ANO4: variants seen among roughly 807,000 people sequenced by gnomAD.
ANO4 encodes anoctamin 4.
Under a neutral mutation model 141.9 loss-of-function variants are expected in ANO4, and 69 were observed. That is an observed-to-expected ratio of 0.49 (90% confidence interval 0.40 to 0.59). The LOEUF (loss-of-function observed/expected upper bound fraction) is 0.59, where lower values mean the gene tolerates loss of function less well. ANO4 is among the 20% of genes least tolerant of loss of function. The pLI, the probability that ANO4 is intolerant of heterozygous loss-of-function variation, is 0.00. For synonymous variants in ANO4, 350 were observed against 394.3 expected (o/e 0.89, Z 1.33); for missense variants, 894 against 1,162.2 (o/e 0.77, Z 3.36).
chr12:101,110,963 T>C (rs1384674229), intron 23 of ANO4, among the ~76,000 whole-genome samples: 1 of 152,222 alleles, frequency 6.6e-6, no homozygotes, highest in African/African-American at 2.4e-5. Context: ...TGAACTTTGG[T>C]CTTTGACTAG....
intron 8 of ANO4, among the ~76,000 whole-genome samples, chr12:100,991,730 G>A (rs1056139462): frequency 2.6e-5 from 4 of 152,054 alleles, no homozygotes; most frequent in Non-Finnish European, 4.4e-5. Context: ...CTCCTTGAAA[G>A]ACTATGCCTT....
chr12:101,055,218 T>A (rs2048063490), intron 14 of ANO4, among the ~76,000 whole-genome samples: 1 of 152,214 alleles, frequency 6.6e-6, no homozygotes, highest in South Asian at 2.1e-4. Flanking sequence ...CATTGCTGGA[T>A]CATGTGATAA....
chr12:101,116,834 G>A (rs376766921), intron 25 of ANO4, 36 bp downstream of exon 25: 2 of 1,613,274 alleles, frequency 1.2e-6, no homozygotes, highest in African/African-American at 1.3e-5. Context: ...TGCCTGAGCT[G>A]GGCTGGCTCC....
chr12:100,765,309 T>C (rs2033028508), intron 3 of ANO4, among the ~76,000 whole-genome samples: 1 of 152,102 alleles, frequency 6.6e-6, no homozygotes, highest in Admixed American at 6.6e-5. Flanking sequence ...TTTATAATTC[T>C]ATTTGAGTAT....
chr12:100,887,243 T>C (rs2039879879), intron 1 of ANO4, among the ~76,000 whole-genome samples: 2 of 152,310 alleles, frequency 1.3e-5, no homozygotes, highest in South Asian at 4.1e-4. Context: ...ATAATATTCC[T>C]AAGCCATTTA....
In ANO4 at chr12:101,043,642, T is replaced by A; in HGVS notation, c.1251+7T>A. 1 of 1,592,202 alleles carries A rather than the reference T, an allele frequency of 6.3e-7. No homozygotes were observed. The highest frequency in any genetic ancestry group is 8.6e-7 in the Non-Finnish European group (1 of 1,160,506). On this transcript the variant is annotated splice_region_variant and intron_variant, in intron 13 of 27. Coordinates refer to ENST00000392977, the MANE Select transcript of ANO4 (RefSeq NM_001286615.2). Reference sequence around the variant, plus strand: ...CAGCTGTGTATATGCCAAGGTAATTTCAAACTGTAGCATTTTAGATGAATT... The same window carrying A: ...CAGCTGTGTATATGCCAAGGTAATTACAAACTGTAGCATTTTAGATGAATT...
At chr12:101,030,837 G>T (rs1278261742) in intron 9 of ANO4, among the ~76,000 whole-genome samples, 1 of 152,168 alleles carries the variant, frequency 6.6e-6, no homozygotes, top group African/African-American at 2.4e-5. Context: ...AAATCTAGAA[G>T]AAATGGATAA....
At chr12:101,060,729 TG>T (rs781635100) in intron 14 of ANO4, among the ~76,000 whole-genome samples, 1 of 152,206 alleles carries the variant, frequency 6.6e-6, no homozygotes, top group Non-Finnish European at 1.5e-5. Flanking sequence ...TCCATTTGCT[TG>T]GTAAATATTC....
At chr12:100,971,626 A>G (rs2043938787) in intron 6 of ANO4, among the ~76,000 whole-genome samples, 1 of 152,178 alleles carries the variant, frequency 6.6e-6, no homozygotes, top group African/African-American at 2.4e-5. Context: ...GCAGGTAGAT[A>G]TTTCCAGTGC....
rs1177264501 is a variant in ANO4 at position 100,832,900 on chromosome 12, T to G, written c.-141+37873T>G. 3.3e-5 allele frequency among the ~76,000 whole-genome samples: 5 copies of G among 152,272 alleles called. No individual in the cohort carries two copies. In the East Asian group the frequency reaches 9.7e-4, roughly 29 times the overall value. On this transcript the variant is annotated intron_variant, in intron 1 of 27. Coordinates refer to ENST00000392977, the MANE Select transcript of ANO4 (RefSeq NM_001286615.2). ...AGCCACTTTCTCCACCTCTAATATA[T>G]TGTTTATTTTCTGCTAACACTTTAA...
chr12:101,046,669 C>T (rs2047644924), intron 13 of ANO4, among the ~76,000 whole-genome samples: 1 of 152,210 alleles, frequency 6.6e-6, no homozygotes, highest in South Asian at 2.1e-4. Context: ...CTGACTATCT[C>T]ATTGGGAACC....
intron 3 of ANO4, among the ~76,000 whole-genome samples, chr12:100,784,472 A>T (rs1056921952): frequency 1.3e-5 from 2 of 152,154 alleles, no homozygotes; most frequent in African/African-American, 2.4e-5. Context: ...TCTTCTAAGG[A>T]TATTCATTTT....
intron 1 of ANO4, among the ~76,000 whole-genome samples, chr12:100,876,203 G>A (rs575469503): frequency 2.7e-5 from 4 of 150,786 alleles, no homozygotes; most frequent in South Asian, 4.2e-4. Flanking sequence ...ACTTGTAAGT[G>A]TGGGGTTCTG....
chr12:100,815,063 C>T lies in ANO4; in HGVS notation c.-141+20036C>T, dbSNP rs564646676. On this transcript the variant is annotated intron_variant, in intron 1 of 27. Transcript: ENST00000392977. ...ATGCCTGGAGGGAATGGGGGAGAAACAGAGAGAGAGAGAGGGCATGAGCAA... is the reference window on the plus strand; with the variant it reads ...ATGCCTGGAGGGAATGGGGGAGAAATAGAGAGAGAGAGAGGGCATGAGCAA... 1.1e-4 allele frequency among the ~76,000 whole-genome samples: 16 copies of T among 150,940 alleles called. No individual in the cohort carries two copies. In the South Asian group the frequency reaches 3.2e-3, roughly 30 times the overall value.
chr12:100,721,622 T>C (rs931145822), intron 1 of ANO4, among the ~76,000 whole-genome samples: 2 of 152,162 alleles, frequency 1.3e-5, no homozygotes, highest in African/African-American at 4.8e-5. Context: ...CCTGGAATCC[T>C]GGAAGTCATT....
intron 10 of ANO4, among the ~76,000 whole-genome samples, chr12:101,039,583 A>G (rs1037893474): frequency 3.3e-5 from 5 of 152,246 alleles, no homozygotes; most frequent in African/African-American, 1.2e-4. Flanking sequence ...TGGGCCAGAC[A>G]CTTTATTCAT....
At chr12:100,920,338 C>T (rs1207097400) in intron 2 of ANO4, among the ~76,000 whole-genome samples, 4 of 152,076 alleles carry the variant, frequency 2.6e-5, no homozygotes, top group East Asian at 1.9e-4. Context: ...TCCATTGCAT[C>T]GCACCTTCTT....
chr12:101,111,499 A>AT lies in ANO4; in HGVS notation c.2303-58dup, dbSNP rs1039831495. On this transcript the variant is annotated intron_variant, in intron 23 of 27. Transcript: ENST00000392977. ...AAAAGGACTTTTAAAAATTAATTCCATTTTTTCATAATTATCACCTCTGTT... is the reference window on the plus strand; with the variant it reads ...AAAAGGACTTTTAAAAATTAATTCCATTTTTTTCATAATTATCACCTCTGTT... 3 of 1,407,032 alleles carry AT rather than the reference A, an allele frequency of 2.1e-6. No homozygotes were observed. The African/African-American group carries it at 4.4e-5, about 21-fold the overall frequency. 87.2% of individuals were successfully genotyped at this position (1,407,032 alleles called of 1,614,324 possible).
At chr12:100,973,867 C>T (rs1013782312) in intron 6 of ANO4, among the ~76,000 whole-genome samples, 5 of 152,156 alleles carry the variant, frequency 3.3e-5, no homozygotes, top group South Asian at 2.1e-4. Flanking sequence ...CCTTCTCCCC[C>T]GACCTGTACC....
Sources: gnomAD v4.1 joint callset for allele counts (sites outside exome capture counted in the v4.1 genomes callset) on GRCh38, gnomAD v4.1.1 for gene constraint, MANE v1.5 for transcripts, NCBI Gene and HGNC (gene_info 2026-07-23, HGNC 2026-07-21) for gene names.